CSMD1: variants seen among roughly 807,000 people sequenced by gnomAD.
CSMD1 encodes CUB and sushi domain-containing protein 1.
Under a neutral mutation model 417.5 loss-of-function variants are expected in CSMD1, and 213 were observed. That is an observed-to-expected ratio of 0.51 (90% CI 0.46 to 0.57). The LOEUF (loss-of-function observed/expected upper bound fraction) is 0.57. Ranked by LOEUF, CSMD1 falls within the 20% of genes least tolerant of loss-of-function variation. CSMD1 has a pLI of 0.00. For missense variants in CSMD1, 6,923 were observed against 4,529.7 expected, an observed-to-expected ratio of 1.53 and a Z score of -15.17; for synonymous variants, 2,862 against 1,736.8, an observed-to-expected ratio of 1.65 and a Z score of -16.11.
intron 5 of CSMD1, among the ~76,000 whole-genome samples, chr8:3,955,023 G>A (rs1488391952): frequency 6.6e-6 from 1 of 152,178 alleles, no homozygotes; most frequent in African/African-American, 2.4e-5. Flanking sequence ...CCTCTCCTTT[G>A]CACTGCTAAT....
At chr8:4,214,334 G>A (rs1349284756) in intron 3 of CSMD1, among the ~76,000 whole-genome samples, 3 of 152,204 alleles carry the variant, frequency 2.0e-5, no homozygotes, top group Non-Finnish European at 4.4e-5. Context: ...GTCTCACTCT[G>A]TCACTGAGGC....
intron 60 of CSMD1, 26 bp from the exon 61 acceptor site, chr8:2,962,665 C>G: frequency 6.2e-7 from 1 of 1,606,154 alleles, no homozygotes; most frequent in South Asian, 1.1e-5. Flanking sequence ...AGGAAGAAGT[C>G]AGCCTTCAAC....
intron 1 of CSMD1, among the ~76,000 whole-genome samples, chr8:4,923,741 G>C (rs147447902): frequency 3.1e-3 from 478 of 152,128 alleles, no homozygotes; most frequent in African/African-American, 0.011. Flanking sequence ...ATTTACCAAG[G>C]AACCTTGGAA....
rs548749252 is a variant in CSMD1, at chr8:4,070,604, A to C, written c.416-38505T>G. 2.0e-5 allele frequency among the ~76,000 whole-genome samples: 3 copies of C among 152,090 alleles called. No homozygotes were observed. In the East Asian group the frequency reaches 5.8e-4, roughly 30 times the overall value. Reference sequence around the variant, plus strand: ...GTTCTCCTGACCTCGTGATCCACCCACCTCGGCCTCCCAAAGTGCTGGGAT... The same window carrying C: ...GTTCTCCTGACCTCGTGATCCACCCCCCTCGGCCTCCCAAAGTGCTGGGAT... On this transcript the variant is annotated intron_variant, in intron 3 of 69. Coordinates refer to ENST00000635120, the MANE Select transcript of CSMD1 (RefSeq NM_033225.6).
intron 22 of CSMD1, among the ~76,000 whole-genome samples, chr8:3,343,876 C>A (rs957254985): frequency 2.6e-5 from 4 of 152,320 alleles, no homozygotes; most frequent in South Asian, 2.1e-4. Context: ...ACATACCCTT[C>A]CTTTCTATTC....
chr8:3,812,848 C>A (rs1219273602), intron 5 of CSMD1, among the ~76,000 whole-genome samples: 4 of 152,198 alleles, frequency 2.6e-5, no homozygotes, highest in African/African-American at 7.2e-5. Context: ...TATTTCATCA[C>A]ATCCTGAATT....
intron 10 of CSMD1, among the ~76,000 whole-genome samples, chr8:3,556,612 G>A (rs553749555): frequency 6.6e-6 from 1 of 151,116 alleles, no homozygotes; most frequent in South Asian, 2.1e-4. Context: ...TTTAGGGCTG[G>A]TACAAAAACA....
In CSMD1 at chr8:4,419,742, A is replaced by G. The variant is rs539847874; in HGVS notation, c.415+211T>C. Among the ~76,000 whole-genome samples the G allele has an allele frequency of 1.4e-3, 213 of 152,316 alleles. 2 individuals are homozygous for G. Among genetic ancestry groups the G allele is most frequent in the African/African-American group, 4.6e-3 (193 of 41,582 alleles). On this transcript the variant is annotated intron_variant, in intron 3 of 69. Coordinates refer to ENST00000635120, the MANE Select transcript of CSMD1 (RefSeq NM_033225.6). The stretch of plus-strand genomic sequence containing the variant: ...AACCCCAAGAAGAAAAGTTCTAGTG[A>G]TAAGAAGAAAATTGTGAACACGTTT...
intron 10 of CSMD1, among the ~76,000 whole-genome samples, chr8:3,562,010 A>G (rs1421568699): frequency 1.3e-5 from 2 of 152,124 alleles, no homozygotes; most frequent in Non-Finnish European, 2.9e-5. Context: ...TTTGTGAAGG[A>G]GGAGTCCTGA....
At chr8:4,030,775 T>C (rs540305174) in intron 4 of CSMD1, among the ~76,000 whole-genome samples, 1 of 152,202 alleles carries the variant, frequency 6.6e-6, no homozygotes, top group South Asian at 2.1e-4. Context: ...GTTCATGAAC[T>C]TTTATGCTTT....
chr8:3,563,444 A>T (rs1324236297), intron 10 of CSMD1, among the ~76,000 whole-genome samples: 8 of 126,630 alleles, frequency 6.3e-5, no homozygotes, highest in Middle Eastern at 3.9e-3. Context: ...TTAAAAGGTA[A>T]AAAAAAAAAA....
intron 15 of CSMD1, among the ~76,000 whole-genome samples, chr8:3,399,767 G>C (rs1811926563): frequency 6.6e-6 from 1 of 152,152 alleles, no homozygotes. Context: ...TAATGGTAAT[G>C]TATACGTGAG....
At chr8:4,591,185 T>C (rs1265407628) in intron 2 of CSMD1, among the ~76,000 whole-genome samples, 1 of 152,220 alleles carries the variant, frequency 6.6e-6, no homozygotes, top group Non-Finnish European at 1.5e-5. Flanking sequence ...AACATATTAT[T>C]AGGTATTGGC....
At chr8:4,717,170 G>C (rs545581435) in intron 1 of CSMD1, among the ~76,000 whole-genome samples, 5 of 151,548 alleles carry the variant, frequency 3.3e-5, no homozygotes, top group Non-Finnish European at 4.4e-5. Context: ...TGAGATATTT[G>C]GGAGTCAGGA....
At chr8:4,883,676 A>G (rs1430831376) in intron 1 of CSMD1, among the ~76,000 whole-genome samples, 5 of 152,126 alleles carry the variant, frequency 3.3e-5, no homozygotes, top group Admixed American at 2.0e-4. Flanking sequence ...TTATTGCGGA[A>G]TAATAACCAA....
intron 5 of CSMD1, among the ~76,000 whole-genome samples, chr8:3,858,631 C>G (rs1804476362): frequency 6.6e-6 from 1 of 151,930 alleles, no homozygotes; most frequent in Non-Finnish European, 1.5e-5. Flanking sequence ...TAAAACATTA[C>G]CTTTTTCTAT....
intron 3 of CSMD1, among the ~76,000 whole-genome samples, chr8:4,135,296 AGAAGAAAG>A (rs1803352039): frequency 1.4e-5 from 2 of 145,834 alleles, no homozygotes; most frequent in African/African-American, 5.0e-5. Context: ...GAAGGAAGAC[AGAAGAAAG>A]GAAGAAAGGA....
intron 3 of CSMD1, among the ~76,000 whole-genome samples, chr8:4,337,333 C>G (rs751898323): frequency 1.3e-5 from 2 of 152,070 alleles, no homozygotes; most frequent in Non-Finnish European, 2.9e-5. Flanking sequence ...CCAGTTACCC[C>G]AGCAACCGAC....
intron 3 of CSMD1, among the ~76,000 whole-genome samples, chr8:4,377,999 T>C (rs539708287): frequency 2.0e-5 from 3 of 152,330 alleles, no homozygotes; most frequent in Non-Finnish European, 2.9e-5. Flanking sequence ...CATTTAAATA[T>C]ATTTGTAATT....
Sources: allele counts gnomAD v4.1 joint callset (sites outside exome capture counted in the v4.1 genomes callset), GRCh38; gene constraint gnomAD v4.1.1; transcripts MANE v1.5; gene names NCBI Gene and HGNC (gene_info 2026-07-23, HGNC 2026-07-21).